SETBP1: variants seen among roughly 807,000 people sequenced by gnomAD.
SETBP1 encodes SET-binding protein.
A neutral mutation model predicts 101.0 loss-of-function variants in SETBP1; 9 were observed. That is an observed-to-expected ratio of 0.09 (90% CI 0.05 to 0.16). The LOEUF is 0.16. Ranked by LOEUF, SETBP1 falls within the 10% of genes least tolerant of loss-of-function variation. SETBP1 has a pLI of 1.00. For missense variants in SETBP1, 1,858 were observed against 2,033.8 expected, an observed-to-expected ratio of 0.91 and a Z score of 1.66; for synonymous variants, 818 against 788.5, an observed-to-expected ratio of 1.04 and a Z score of -0.63.
intron 3 of SETBP1, among the ~76,000 whole-genome samples, chr18:44,917,089 G>T (rs2070446331): frequency 6.6e-6 from 1 of 152,244 alleles, no homozygotes; most frequent in Non-Finnish European, 1.5e-5. Context: ...GCTGTTTGGA[G>T]ATAGCCCTAT....
At chr18:44,796,810 T>TAC (rs1260258778) in intron 2 of SETBP1, among the ~76,000 whole-genome samples, 1 of 152,128 alleles carries the variant, frequency 6.6e-6, no homozygotes, top group Admixed American at 6.6e-5. Context: ...GCAAGCCTGC[T>TAC]ACACACACAC....
chr18:44,851,911 G>A (rs2072875601), intron 2 of SETBP1, among the ~76,000 whole-genome samples: 1 of 152,168 alleles, frequency 6.6e-6, no homozygotes, highest in Admixed American at 6.5e-5. Flanking sequence ...CTCTGCTCCT[G>A]GAGCCCACCC....
At chr18:44,695,596 G>A (rs995188158) in intron 1 of SETBP1, among the ~76,000 whole-genome samples, 4 of 152,188 alleles carry the variant, frequency 2.6e-5, no homozygotes, top group African/African-American at 9.7e-5. Flanking sequence ...TGAAAGAAAT[G>A]CCTTGTGGTA....
At chr18:44,967,326 C>T (rs1567998319) in intron 4 of SETBP1, among the ~76,000 whole-genome samples, 1 of 152,198 alleles carries the variant, frequency 6.6e-6, no homozygotes, top group East Asian at 1.9e-4. Flanking sequence ...TCGGGACTGT[C>T]ACGGCAAGAA....
At chr18:44,900,500 A>C (rs1423181761) in intron 3 of SETBP1, among the ~76,000 whole-genome samples, 1 of 152,248 alleles carries the variant, frequency 6.6e-6, no homozygotes, top group East Asian at 1.9e-4. Flanking sequence ...ATAAGAAAAT[A>C]GTCTTACAGA....
chr18:44,789,293 C>T (rs564650743), intron 2 of SETBP1, among the ~76,000 whole-genome samples: 2 of 152,290 alleles, frequency 1.3e-5, no homozygotes, highest in South Asian at 4.1e-4. Flanking sequence ...CTCAACTTTT[C>T]CCTCTGTAAA....
chr18:44,900,364 T>C (rs2070014542), intron 3 of SETBP1, among the ~76,000 whole-genome samples: 1 of 152,210 alleles, frequency 6.6e-6, no homozygotes, highest in Admixed American at 6.5e-5. Flanking sequence ...GAGAACAAAC[T>C]TAAGAAGAAT....
intron 4 of SETBP1, among the ~76,000 whole-genome samples, chr18:45,030,504 A>G (rs1240086909): frequency 1.4e-5 from 2 of 139,496 alleles, no homozygotes; most frequent in Non-Finnish European, 3.1e-5. Context: ...AGGCTTTGGT[A>G]TCAGGATGAT....
At chr18:44,707,476 C>T (rs915040439) in intron 2 of SETBP1, among the ~76,000 whole-genome samples, 3 of 152,156 alleles carry the variant, frequency 2.0e-5, no homozygotes, top group African/African-American at 7.2e-5. Context: ...GATCTTATTT[C>T]CTCCTGTTGC....
At chr18:45,022,309 G>C (rs1173271115) in intron 4 of SETBP1, among the ~76,000 whole-genome samples, 2 of 152,152 alleles carry the variant, frequency 1.3e-5, no homozygotes, top group Non-Finnish European at 2.9e-5. Flanking sequence ...AAGAATTCTT[G>C]TGTTTCCCCA....
chr18:45,049,660 G>A (rs1275286982), intron 5 of SETBP1, among the ~76,000 whole-genome samples: 1 of 152,078 alleles, frequency 6.6e-6, no homozygotes, highest in Non-Finnish European at 1.5e-5. Flanking sequence ...ACCCTGACCA[G>A]CTTCTCTCAG....
intron 2 of SETBP1, among the ~76,000 whole-genome samples, chr18:44,759,358 T>A (rs1323960722): frequency 6.6e-6 from 1 of 152,336 alleles, no homozygotes; most frequent in African/African-American, 2.4e-5. Flanking sequence ...GCGAAGGTGA[T>A]ACGTTCAACA....
chr18:44,932,502 G>T (rs971659638), intron 3 of SETBP1, among the ~76,000 whole-genome samples: 2 of 152,224 alleles, frequency 1.3e-5, no homozygotes, highest in Admixed American at 6.5e-5. Context: ...CTAGGTTGGG[G>T]AAGTTCTTCT....
intron 2 of SETBP1, among the ~76,000 whole-genome samples, chr18:44,867,482 T>C (rs375110123): frequency 4.5e-4 from 69 of 152,348 alleles, no homozygotes; most frequent in African/African-American, 1.5e-3. Context: ...ATGCTCACAC[T>C]TGACTGCACT....
chr18:45,038,528 T>A lies in SETBP1; in HGVS notation c.4044T>A (p.His1348Gln). The change falls in exon 5 of 6, where the codon CAT (histidine) becomes CAA (glutamine). Residue 1348 changes from histidine to glutamine, a missense_variant. Around this residue, in one of 12 missense-constraint regions of SETBP1, gnomAD observed 417 missense variants for 389.1 expected, o/e 1.07. Coordinates refer to ENST00000649279, the MANE Select transcript of SETBP1 (RefSeq NM_015559.3). ...TAAAAGTGGACCAGACAGCAGTGCA[T>A]AGTAAGAACGAAGGCTCAGTGCCCA... ...PHLKVDQTAV[H>Q]SKNEGSVPTM... The A allele has an allele frequency of 6.2e-7, 1 of 1,614,108 alleles. No homozygotes were observed.
chr18:44,912,745 A>G (rs1032039587), intron 3 of SETBP1, among the ~76,000 whole-genome samples: 1 of 152,058 alleles, frequency 6.6e-6, no homozygotes, highest in African/African-American at 2.4e-5. Context: ...TAACTTTTCT[A>G]TGTGCAGAGA....
chr18:44,861,803 C>T (rs764464114), intron 2 of SETBP1, among the ~76,000 whole-genome samples: 1 of 152,132 alleles, frequency 6.6e-6, no homozygotes, highest in African/African-American at 2.4e-5. Context: ...ACCCAAAAAC[C>T]GCAGAAGATG....
intron 3 of SETBP1, among the ~76,000 whole-genome samples, chr18:44,940,401 A>T (rs1339759756): frequency 6.6e-6 from 1 of 152,036 alleles, no homozygotes. Flanking sequence ...GTTGGGTTTA[A>T]GTTTACTATG....
intron 2 of SETBP1, among the ~76,000 whole-genome samples, chr18:44,727,882 G>A (rs940599606): frequency 2.0e-5 from 3 of 152,084 alleles, no homozygotes; most frequent in Non-Finnish European, 4.4e-5. Context: ...AAACACAGAA[G>A]CTGTGCTAGA....
Sources: gnomAD v4.1 joint callset for allele counts (sites outside exome capture counted in the v4.1 genomes callset) on GRCh38, gnomAD v4.1.1 for gene constraint, gnomAD v4.1.1 regional missense constraint, MANE v1.5 for transcripts, NCBI Gene and HGNC (gene_info 2026-07-23, HGNC 2026-07-21) for gene names.